E2F2: variants seen among roughly 807,000 people sequenced by gnomAD.
The protein encoded by E2F2 is E2F transcription factor 2.
Under a neutral mutation model 42.2 loss-of-function variants are expected in E2F2, and 22 were observed. That is an observed-to-expected ratio of 0.52 (90% confidence interval 0.37 to 0.74). The LOEUF is 0.74. Ranked by LOEUF, E2F2 falls within the 30% of genes least tolerant of loss-of-function variation. The pLI, the probability that E2F2 is intolerant of heterozygous loss-of-function variation, is 0.00. For missense variants in E2F2, 481 were observed against 557.8 expected, an observed-to-expected ratio of 0.86 and a Z score of 1.39; for synonymous variants, 248 against 251.6, an observed-to-expected ratio of 0.99 and a Z score of 0.13.
Position 23,530,609 on chromosome 1 carries a change from C to A in E2F2, c.185G>T (p.Cys62Phe), listed in dbSNP as rs1200390453. ...GGGTCCGTGGGGAGTGGCGTCGAGG[C>A]AGGTGCCTGGCGCCGCTGCGGGAGG... ...TAPPAAAPGT[C>F]LDATPHGPEG... The change falls in exon 1 of 7, where the codon TGC becomes TTC. Residue 62 changes from cysteine (C) to phenylalanine (F), a missense_variant. Transcript: ENST00000361729. The surrounding 1 kb of genome is among the most constrained non-coding windows in gnomAD (Gnocchi z 4.4). 10 of 1,613,184 alleles carry A rather than the reference C, an allele frequency of 6.2e-6. No individual in the cohort carries two copies. The highest frequency in any genetic ancestry group is 8.5e-6 in the Non-Finnish European group (10 of 1,179,776).
At chr1:23,518,450 AAC>A (rs1643069523) in intron 5 of E2F2, among the ~76,000 whole-genome samples, 1 of 151,374 alleles carries the variant, frequency 6.6e-6, no homozygotes, top group Non-Finnish European at 1.5e-5. Context: ...CAGCCTGGGC[AAC>A]AGAGTGAGAC....
chr1:23,530,735 G>A lies in E2F2; in HGVS notation c.59C>T (p.Pro20Leu). 1 of 1,599,096 alleles carries A rather than the reference G, an allele frequency of 6.3e-7. No homozygotes were observed. The highest frequency in any genetic ancestry group is 1.3e-5 in the African/African-American group (1 of 74,878). ...SAAGQTPKVV[P>L]AMSPTELWPS... is the part of the protein sequence containing the mutation. ...CCACAGCTCTGTGGGGCTCATCGCG[G>A]GCACCACCTTCGGGGTCTGCCCAGC... Residue 20 changes from proline to leucine, a missense_variant, in exon 1 of 7, where the codon CCC (proline) becomes CTC (leucine). Transcript: ENST00000361729. The surrounding 1 kb of genome is among the most constrained non-coding windows in gnomAD (Gnocchi z 4.4).
At chr1:23,528,071 T>C (rs1011728573) in intron 1 of E2F2, among the ~76,000 whole-genome samples, 1 of 152,208 alleles carries the variant, frequency 6.6e-6, no homozygotes, top group Non-Finnish European at 1.5e-5. Flanking sequence ...TGAGCAGAGA[T>C]GGCGCTATTG....
At chr1:23,525,280 A>C in intron 1 of E2F2, among the ~76,000 whole-genome samples, 1 of 148,196 alleles carries the variant, frequency 6.7e-6, no homozygotes, top group African/African-American at 2.5e-5. Flanking sequence ...GCTCCTCTCC[A>C]CCCTGTTGCC....
At chr1:23,514,855 A>G (rs1001346763) in intron 6 of E2F2, among the ~76,000 whole-genome samples, 1 of 150,296 alleles carries the variant, frequency 6.7e-6, no homozygotes, top group Non-Finnish European at 1.5e-5. Context: ...AAAAAAAAAA[A>G]GCTGGAGAGT....
chr1:23,521,391 G>C (rs918228935), intron 3 of E2F2, among the ~76,000 whole-genome samples: 3 of 152,224 alleles, frequency 2.0e-5, no homozygotes, highest in East Asian at 3.9e-4. Flanking sequence ...AAGGGCTATA[G>C]GTCAGCTCTT....
rs765512383 is a variant in E2F2, at chr1:23,521,830, C to T, written c.578+7G>A. 2.5e-6 allele frequency: 4 copies of T among 1,613,364 alleles called. No homozygotes were observed. Among genetic ancestry groups the T allele is most frequent in the Non-Finnish European group, 3.4e-6 (4 of 1,179,882 alleles). On this transcript the variant is annotated splice_region_variant and intron_variant, in intron 3 of 6. Transcript: ENST00000361729. ...TGGAGGGTACCACTGGCCGCCCAGG[C>T]ACTCACACCCACTGGATGTTGTTCT...
At chr1:23,505,607 G>A (rs1642782724), downstream of E2F2, among the ~76,000 whole-genome samples, 17 of 152,174 alleles carry the variant, frequency 1.1e-4, no homozygotes. Context: ...CTGCCTCCTG[G>A]GTTAAAGTGA....
intron 1 of E2F2, among the ~76,000 whole-genome samples, chr1:23,529,646 A>G (rs1643306237): frequency 6.6e-6 from 1 of 152,164 alleles, no homozygotes; most frequent in Non-Finnish European, 1.5e-5. Flanking sequence ...GCACACACGC[A>G]TTGTGAAGGA....
rs762995234 is a variant in E2F2 at position 23,516,486 on chromosome 1, G to A, written c.894C>T (p.Ile298=). 52 of 1,610,090 alleles carry A rather than the reference G, an allele frequency of 3.2e-5. 1 individual carries two copies. The highest frequency in any genetic ancestry group is 3.1e-4 in the South Asian group (28 of 90,270). The change falls in exon 6 of 7, where the codon ATC becomes ATT. Residue 298 remains isoleucine (I), a synonymous_variant. Coordinates refer to ENST00000361729, the MANE Select transcript of E2F2 (RefSeq NM_004091.4). ...CCTCCTCTGGGCACAGGTAGACTTC[G>A]ATGGGCCCTTGGGTGCTCTTGAGAT... is the stretch of plus-strand genomic sequence containing the variant. ...QIYLKSTQGP[I]EVYLCPEEVQ...
chr1:23,525,146 C>A (rs907518988), intron 1 of E2F2, among the ~76,000 whole-genome samples: 4 of 152,168 alleles, frequency 2.6e-5, no homozygotes, highest in African/African-American at 9.6e-5. Context: ...GAGGGGCAGA[C>A]AATGAATCCT....
intron 2 of E2F2, among the ~76,000 whole-genome samples, chr1:23,522,830 C>T (rs1643178801): frequency 6.6e-6 from 1 of 152,144 alleles, no homozygotes; most frequent in African/African-American, 2.4e-5. Context: ...CGAGTGACTT[C>T]CAAGTCATAT....
Position 23,508,773 on chromosome 1 carries a change from C to T in E2F2, c.*1107G>A, listed in dbSNP as rs1642849894. The T allele has an allele frequency of 6.6e-6, 1 of 152,246 alleles. No individual in the cohort carries two copies. Among genetic ancestry groups the T allele is most frequent in the African/African-American group, 2.4e-5 (1 of 41,450 alleles). 9.4% of individuals were successfully genotyped at this position (152,246 alleles called of 1,614,324 possible). On this transcript the variant is annotated 3_prime_UTR_variant, in exon 7 of 7. Coordinates refer to ENST00000361729, the MANE Select transcript of E2F2 (RefSeq NM_004091.4). ...AGGGGTGGAGTCCTTAATGAACCAT[C>T]CCCTTCAATAACATGGTGAAAAAAT...
intron 1 of E2F2, among the ~76,000 whole-genome samples, chr1:23,529,100 T>A (rs1407201592): frequency 6.6e-6 from 1 of 152,072 alleles, no homozygotes; most frequent in African/African-American, 2.4e-5. Flanking sequence ...GTGAGTCCCA[T>A]CACTCTACCC....
At chr1:23,528,278 G>A (rs1265922852) in intron 1 of E2F2, among the ~76,000 whole-genome samples, 1 of 152,336 alleles carries the variant, frequency 6.6e-6, no homozygotes, top group Non-Finnish European at 1.5e-5. Flanking sequence ...CTTGGACAGT[G>A]CCTGAGGTCC....
chr1:23,520,295 CACA>C (rs1389671564), intron 4 of E2F2, among the ~76,000 whole-genome samples: 2 of 139,910 alleles, frequency 1.4e-5, no homozygotes, highest in African/African-American at 5.6e-5. Flanking sequence ...TCAGCAGGCA[CACA>C]ACTACATTAC....
chr1:23,518,118 C>G (rs1402074077), intron 5 of E2F2, among the ~76,000 whole-genome samples: 1 of 152,096 alleles, frequency 6.6e-6, no homozygotes, highest in Non-Finnish European at 1.5e-5. Flanking sequence ...TTGCAGTGAG[C>G]TGAGATCATG....
At chr1:23,524,060 C>T (rs1202120908) in intron 2 of E2F2, among the ~76,000 whole-genome samples, 2 of 143,090 alleles carry the variant, frequency 1.4e-5, no homozygotes, top group East Asian at 2.1e-4. Flanking sequence ...GGTGACAGAG[C>T]GAGACCTGTC....
intron 6 of E2F2, among the ~76,000 whole-genome samples, chr1:23,515,883 A>G (rs1643007922): frequency 6.6e-6 from 1 of 151,546 alleles, no homozygotes; most frequent in Non-Finnish European, 1.5e-5. Context: ...AAATTTTTTT[A>G]TAGAGACAGG....
Sources: allele counts gnomAD v4.1 joint callset (sites outside exome capture counted in the v4.1 genomes callset), GRCh38; gene constraint gnomAD v4.1.1; non-coding constraint Gnocchi (gnomAD v3.1); transcripts MANE v1.5; gene names NCBI Gene and HGNC (gene_info 2026-07-23, HGNC 2026-07-21).